The following SUCLG2 variants were observed in gnomAD, a reference collection of about 807,000 sequenced individuals.
The protein encoded by SUCLG2 is succinate--CoA ligase [GDP-forming] subunit beta, mitochondrial.
Under a neutral mutation model 47.9 loss-of-function variants are expected in SUCLG2, and 42 were observed. The observed-to-expected ratio is 0.88, with a 90% CI of 0.69 to 1.14. SUCLG2 has a LOEUF of 1.14. SUCLG2 is among the 50% of genes most tolerant of loss of function. The probability of loss-of-function intolerance (pLI) is 0.00; values close to 1 mark genes in which losing one functional copy is unlikely to be tolerated. For synonymous variants in SUCLG2, 195 were observed against 197.3 expected (o/e 0.99, Z 0.10); for missense variants, 571 against 525.9 (o/e 1.09, Z -0.84).
At chr3:67,535,967 A>G (rs945355062) in intron 2 of SUCLG2, among the ~76,000 whole-genome samples, 6 of 152,274 alleles carry the variant, frequency 3.9e-5, no homozygotes, top group Admixed American at 1.3e-4. Flanking sequence ...ATCTGACAGC[A>G]GAGCCCACAA....
At chr3:67,489,301 G>C (rs957772692) in intron 9 of SUCLG2, among the ~76,000 whole-genome samples, 10 of 152,104 alleles carry the variant, frequency 6.6e-5, no homozygotes, top group Non-Finnish European at 1.3e-4. Flanking sequence ...CCTCACACTG[G>C]GAAAACTACT....
chr3:67,541,956 C>T (rs1459427340), intron 2 of SUCLG2, among the ~76,000 whole-genome samples: 2 of 151,904 alleles, frequency 1.3e-5, no homozygotes, highest in East Asian at 3.9e-4. Flanking sequence ...GCAACCTCCT[C>T]CTCCTGGGTT....
In SUCLG2 at chr3:67,609,464, T is replaced by A. The variant is rs1376062032; in HGVS notation, c.217A>T (p.Lys73Ter). The A allele has an allele frequency of 3.1e-6, 5 of 1,612,186 alleles. No individual in the cohort carries two copies. The East Asian group carries it at 1.1e-4, about 36-fold the overall frequency. The stretch of plus-strand genomic sequence containing the variant: ...TTATGAATCAGCTTACTTAGTCTCT[T>A]AGCAGCCTCGAGAGCTTCATTTGCA... Reference protein sequence around the residue: ...DTANEALEAAKRLNAKEIVLK... With the variant: ...DTANEALEAA The change falls in exon 2 of 11, where the codon AAG (lysine) becomes TAG (stop). Residue 73 changes from lysine (K) to a stop codon, truncating the protein, a stop_gained. Transcript: ENST00000307227. LOFTEE classifies it high-confidence loss of function.
At chr3:67,442,225 T>C (rs1343957544) in intron 9 of SUCLG2, among the ~76,000 whole-genome samples, 1 of 151,992 alleles carries the variant, frequency 6.6e-6, no homozygotes. Flanking sequence ...TTAGCCGGGA[T>C]GGTCTCGATC....
intron 9 of SUCLG2, among the ~76,000 whole-genome samples, chr3:67,467,965 A>G (rs183456424): frequency 1.9e-3 from 289 of 152,268 alleles, no homozygotes; most frequent in Middle Eastern, 3.4e-3. Flanking sequence ...GAGAAATGCT[A>G]TTGTGAAAAT....
chr3:67,460,860 G>A (rs1355328992), intron 9 of SUCLG2, among the ~76,000 whole-genome samples: 1 of 152,152 alleles, frequency 6.6e-6, no homozygotes, highest in Non-Finnish European at 1.5e-5. Context: ...AACACTACCA[G>A]TTGGAGAAAA....
chr3:67,396,199 C>T (rs1355080631), intron 10 of SUCLG2, among the ~76,000 whole-genome samples: 1 of 151,906 alleles, frequency 6.6e-6, no homozygotes, highest in Non-Finnish European at 1.5e-5. Flanking sequence ...AATAGAGACA[C>T]AAAAAACCCT....
chr3:67,452,877 C>G (rs1385583255), intron 9 of SUCLG2, among the ~76,000 whole-genome samples: 1 of 152,190 alleles, frequency 6.6e-6, no homozygotes, highest in African/African-American at 2.4e-5. Flanking sequence ...ATCTTGGTAA[C>G]ACATATAAGA....
At chr3:67,561,718 T>C (rs909258517) in intron 2 of SUCLG2, among the ~76,000 whole-genome samples, 1 of 152,168 alleles carries the variant, frequency 6.6e-6, no homozygotes. Context: ...CTAAAGAAAT[T>C]CTTGCAGTTT....
At chr3:67,422,156 A>C (rs1703174819) in intron 9 of SUCLG2, among the ~76,000 whole-genome samples, 1 of 152,134 alleles carries the variant, frequency 6.6e-6, no homozygotes, top group Non-Finnish European at 1.5e-5. Context: ...GATGAGCAAT[A>C]AAGTATGACA....
chr3:67,442,305 C>T (rs548141222), intron 9 of SUCLG2, among the ~76,000 whole-genome samples: 23 of 152,172 alleles, frequency 1.5e-4, no homozygotes, highest in African/African-American at 5.3e-4. Context: ...CCACCGCGCC[C>T]GGCCAGGCTG....
intron 10 of SUCLG2, among the ~76,000 whole-genome samples, chr3:67,377,694 C>T (rs1450110085): frequency 6.6e-6 from 1 of 152,166 alleles, no homozygotes; most frequent in African/African-American, 2.4e-5. Context: ...CGCTGTGTCA[C>T]CCAAGATGGA....
At chr3:67,457,869 T>A (rs892223800) in intron 9 of SUCLG2, among the ~76,000 whole-genome samples, 2 of 152,102 alleles carry the variant, frequency 1.3e-5, no homozygotes, top group Admixed American at 6.6e-5. Context: ...TCAACGTTTA[T>A]AAATGCCCTT....
chr3:67,401,508 A>G (rs2106815937), intron 9 of SUCLG2, among the ~76,000 whole-genome samples: 1 of 152,022 alleles, frequency 6.6e-6, no homozygotes, highest in African/African-American at 2.4e-5. Context: ...TTAGAAATGT[A>G]AATTTAAACC....
intron 1 of SUCLG2, among the ~76,000 whole-genome samples, chr3:67,640,999 G>C (rs1383148606): frequency 6.6e-6 from 1 of 152,134 alleles, no homozygotes; most frequent in Non-Finnish European, 1.5e-5. Flanking sequence ...AAAACTAAGT[G>C]AGATTAAAAA....
At chr3:67,403,528 C>T (rs1270929121) in intron 9 of SUCLG2, among the ~76,000 whole-genome samples, 1 of 72,420 alleles carries the variant, frequency 1.4e-5, no homozygotes, top group Non-Finnish European at 2.9e-5. Context: ...CATCACTGTC[C>T]TCAGGGAAGA....
chr3:67,484,153 G>T (rs189593441), intron 9 of SUCLG2, among the ~76,000 whole-genome samples: 25 of 152,254 alleles, frequency 1.6e-4, no homozygotes, highest in African/African-American at 5.3e-4. Flanking sequence ...TTTCCTGTAC[G>T]CATTGCCTCT....
chr3:67,573,485 C>T (rs13317640), intron 2 of SUCLG2, among the ~76,000 whole-genome samples: 3,370 of 152,252 alleles, frequency 0.022, 117 homozygotes, highest in African/African-American at 0.077. Context: ...TTAGAAATTA[C>T]CACAAATTTA....
At chr3:67,490,397 T>C (rs1705175754) in intron 9 of SUCLG2, among the ~76,000 whole-genome samples, 1 of 152,202 alleles carries the variant, frequency 6.6e-6, no homozygotes, top group Non-Finnish European at 1.5e-5. Flanking sequence ...TTCTGAAACA[T>C]ATACCATAGA....
Sources: gnomAD v4.1 joint callset for allele counts (sites outside exome capture counted in the v4.1 genomes callset) on GRCh38, gnomAD v4.1.1 for gene constraint, MANE v1.5 for transcripts, NCBI Gene and HGNC (gene_info 2026-07-23, HGNC 2026-07-21) for gene names.